The following ITGB3 variants were observed in gnomAD, a reference collection of about 807,000 sequenced individuals.
The protein encoded by ITGB3 is integrin beta-3.
In ITGB3, 48 loss-of-function variants were observed where a neutral mutation model predicts 85.8. That is an observed-to-expected ratio of 0.56 (90% CI 0.44 to 0.71). The LOEUF is 0.71. Ranked by LOEUF, ITGB3 falls within the 30% of genes least tolerant of loss-of-function variation. ITGB3 has a pLI of 0.00. For synonymous variants in ITGB3, 363 were observed against 395.6 expected (o/e 0.92, Z 0.98); for missense variants, 861 against 1,019.1 (o/e 0.84, Z 2.11).
intron 13 of ITGB3, among the ~76,000 whole-genome samples, chr17:47,303,265 C>CA (rs2065174311): frequency 1.3e-5 from 2 of 151,376 alleles, no homozygotes; most frequent in Admixed American, 6.6e-5. Context: ...AACAAACAAA[C>CA]AACAACAACA....
chr17:47,307,391 C>G lies in ITGB3; in HGVS notation c.2135-80C>G, dbSNP rs1359650770. On this transcript the variant is annotated intron_variant, in intron 13 of 14. Coordinates refer to ENST00000559488, the MANE Select transcript of ITGB3 (RefSeq NM_000212.3). ...CCTTCAAGGACCTTAGTTACTTTGT[C>G]AAGAACACCTTTTTCATAGCCAGTT... 3 of 1,529,684 alleles carry G rather than the reference C, an allele frequency of 2.0e-6. No individual in the cohort carries two copies. In the East Asian group the frequency reaches 6.8e-5, roughly 34 times the overall value. The allele number at this position is 1,529,684 out of a possible 1,614,324, so 94.8% of individuals were successfully genotyped here. A position where few individuals can be genotyped will look rare whatever the true frequency, so the allele number is the denominator to read the frequency against.
chr17:47,278,611 G>C (rs1377720112), intron 2 of ITGB3, among the ~76,000 whole-genome samples: 7 of 151,962 alleles, frequency 4.6e-5, no homozygotes, highest in Admixed American at 4.6e-4. Flanking sequence ...ACTTATATTT[G>C]CATTTATTTG....
chr17:47,296,884 A>T (rs2065147893), intron 10 of ITGB3, among the ~76,000 whole-genome samples: 1 of 152,172 alleles, frequency 6.6e-6, no homozygotes, highest in Non-Finnish European at 1.5e-5. Context: ...TTATCTAGAG[A>T]CAGGACCAGG....
intron 1 of ITGB3, among the ~76,000 whole-genome samples, chr17:47,272,700 C>CTTCTTTCT (rs143829232): frequency 0.014 from 1,942 of 139,704 alleles, 26 homozygotes; most frequent in Non-Finnish European, 0.019. Context: ...TCTTTCTTTC[C>CTTCTTTCT]TTCTTTCTTT....
intron 1 of ITGB3, among the ~76,000 whole-genome samples, chr17:47,256,405 T>A (rs1002019925): frequency 4.6e-5 from 7 of 151,918 alleles, no homozygotes; most frequent in African/African-American, 1.7e-4. Flanking sequence ...AGCCCCACAC[T>A]CTCTCTGAGA....
At position 47,300,495 on chromosome 17, in the gene ITGB3, A is replaced by G; in HGVS notation, c.1931A>G (p.Lys644Arg). 3 of 1,613,964 alleles carry G rather than the reference A, an allele frequency of 1.9e-6. No homozygotes were observed. The highest frequency in any genetic ancestry group is 2.5e-6 in the Non-Finnish European group (3 of 1,179,836). Residue 644 changes from lysine to arginine, a missense_variant, in exon 12 of 15, where the codon AAG becomes AGG. Lys to Arg is a conservative substitution (Grantham distance 26, BLOSUM62 2). Coordinates refer to ENST00000559488, the MANE Select transcript of ITGB3 (RefSeq NM_000212.3). ...CTFKKECVEC[K>R]KFDRGALHDE... ...TCCTTCAGAGAATGTGTGGAGTGTA[A>G]GAAGTTTGACCGGGGAGCCCTACAT...
chr17:47,287,106 C>A lies in ITGB3; in HGVS notation c.814C>A (p.Leu272Met), dbSNP rs753092292. The A allele has an allele frequency of 1.1e-5, 18 of 1,614,082 alleles. No homozygotes were observed. Among genetic ancestry groups the A allele is most frequent in the Admixed American group, 1.7e-5 (1 of 60,032 alleles). The change falls in exon 6 of 15, where the codon CTG becomes ATG. Residue 272 changes from leucine to methionine, a missense_variant. Transcript: ENST00000559488. ...IGWRNDASHL[L>M]VFTTDAKTHI... ...CTGGAGGAATGATGCATCCCACTTGCTGGTGTTTACCACTGATGCCAAGAC... is the reference window on the plus strand; with the variant it reads ...CTGGAGGAATGATGCATCCCACTTGATGGTGTTTACCACTGATGCCAAGAC...
intron 7 of ITGB3, 113 bp from the exon 8 acceptor site, chr17:47,290,071 TC>T: frequency 1.2e-6 from 1 of 864,240 alleles, no homozygotes; most frequent in Non-Finnish European, 2.0e-6. Context: ...AATTGAAATA[TC>T]CCGTACCTTC....
Position 47,292,321 on chromosome 17 carries a change from T to A in ITGB3, c.1443T>A (p.Phe481Leu). ...SHRCNNGNGT[F>L]ECGVCRCGPG... ...GCTGCAACAATGGCAATGGGACCTT[T>A]GAGTGTGGGGTATGCCGTTGTGGGC... The change falls in exon 10 of 15, where the codon TTT becomes TTA. Residue 481 changes from phenylalanine to leucine, a missense_variant. Coordinates refer to ENST00000559488, the MANE Select transcript of ITGB3 (RefSeq NM_000212.3). The A allele has an allele frequency of 6.2e-7, 1 of 1,614,182 alleles. No individual in the cohort carries two copies.
intron 9 of ITGB3, 82 bp from the exon 10 acceptor site, chr17:47,292,057 G>GGGCAA (rs1322179216): frequency 6.9e-7 from 1 of 1,457,156 alleles, no homozygotes; most frequent in East Asian, 2.3e-5. Context: ...TGGCAGGGCA[G>GGGCAA]GGAACAACTT....
chr17:47,308,160 A>AAATAATAAAATAATAAT (rs2065196715), intron 14 of ITGB3, among the ~76,000 whole-genome samples: 1 of 138,546 alleles, frequency 7.2e-6, no homozygotes, highest in Non-Finnish European at 1.5e-5. Context: ...TCGGTCTCAA[A>AAATAATAAAATAATAAT]AATAATAATA....
chr17:47,276,893 C>T (rs1294145084), intron 2 of ITGB3, among the ~76,000 whole-genome samples: 1 of 152,140 alleles, frequency 6.6e-6, no homozygotes, highest in Admixed American at 6.5e-5. Flanking sequence ...ATAATCAAAC[C>T]TTGGAGAGCC....
Position 47,299,212 on chromosome 17 carries a change from G to A in ITGB3, c.1691-96G>A. On this transcript the variant is annotated intron_variant, in intron 10 of 14. Transcript: ENST00000559488. This position sits in a 1 kb window ranked among gnomAD's most constrained non-coding sequence, Gnocchi z 5.1. ...CTGCCAACCTGGAGGATCATTATCTGTGTGGTTGGGAGAGCAGGATGGTCG... is the reference window on the plus strand; with the variant it reads ...CTGCCAACCTGGAGGATCATTATCTATGTGGTTGGGAGAGCAGGATGGTCG... The A allele has an allele frequency of 8.6e-7, 1 of 1,168,962 alleles. No homozygotes were observed. The highest frequency in any genetic ancestry group is 1.3e-6 in the Non-Finnish European group (1 of 793,442). 72.4% of individuals were successfully genotyped at this position (1,168,962 alleles called of 1,614,324 possible).
At chr17:47,307,351 A>T (rs1375193621) in intron 13 of ITGB3, 120 bp from the exon 14 acceptor site, 4 of 1,128,320 alleles carry the variant, frequency 3.5e-6, no homozygotes, top group Non-Finnish European at 5.3e-6. Flanking sequence ...TTAATTTTTG[A>T]AAACTGTCCT....
intron 1 of ITGB3, among the ~76,000 whole-genome samples, chr17:47,270,188 G>T (rs1194735945): frequency 6.6e-6 from 1 of 152,280 alleles, no homozygotes; most frequent in East Asian, 1.9e-4. Flanking sequence ...GTTTTGGGTG[G>T]AGACACAGCC....
Position 47,292,383 on chromosome 17 carries a change from A to G in ITGB3, c.1505A>G (p.Glu502Gly). The change falls in exon 10 of 15, where the codon GAG becomes GGG. Residue 502 changes from glutamate (E) to glycine (G), a missense_variant. Physicochemically the swap from Glu to Gly is moderately conservative, Grantham distance 98. Transcript: ENST00000559488. ...WLGSQCECSE[E>G]DYRPSQQDEC... ...GGATCCCAGTGTGAGTGCTCAGAGGAGGACTATCGCCCTTCCCAGCAGGAC... is the reference window on the plus strand; with the variant it reads ...GGATCCCAGTGTGAGTGCTCAGAGGGGGACTATCGCCCTTCCCAGCAGGAC... The G allele has an allele frequency of 6.2e-7, 1 of 1,614,134 alleles. No homozygotes were observed. The highest frequency in any genetic ancestry group is 8.5e-7 in the Non-Finnish European group (1 of 1,179,978).
intron 6 of ITGB3, among the ~76,000 whole-genome samples, chr17:47,289,293 T>C (rs950895825): frequency 6.6e-5 from 10 of 152,110 alleles, no homozygotes; most frequent in Admixed American, 3.3e-4. Flanking sequence ...ACAAGTAGAC[T>C]TCTGTGCTAC....
chr17:47,293,313 C>T (rs1032421461), intron 10 of ITGB3, among the ~76,000 whole-genome samples: 4 of 152,158 alleles, frequency 2.6e-5, no homozygotes, highest in Non-Finnish European at 5.9e-5. Context: ...AAACTAGTTT[C>T]TCCTTGCCCC....
intron 6 of ITGB3, 48 bp from the exon 7 acceptor site, chr17:47,289,633 G>C (rs1292598212): frequency 7.5e-7 from 1 of 1,325,690 alleles, no homozygotes; most frequent in East Asian, 2.3e-5. Context: ...TTAGACCCTA[G>C]AGATGTACAT....
Sources: allele counts gnomAD v4.1 joint callset (sites outside exome capture counted in the v4.1 genomes callset), GRCh38; gene constraint gnomAD v4.1.1; non-coding constraint Gnocchi (gnomAD v3.1); transcripts MANE v1.5; gene names NCBI Gene and HGNC (gene_info 2026-07-23, HGNC 2026-07-21).